Variants in SCN1A observed in about 807,000 individuals in gnomAD.
SCN1A encodes sodium voltage-gated channel alpha subunit 1.
Under a neutral mutation model 193.7 loss-of-function variants are expected in SCN1A, and 13 were observed. That is an observed-to-expected ratio of 0.07 (90% CI 0.04 to 0.11). The LOEUF (loss-of-function observed/expected upper bound fraction) is 0.11, where lower values mean the gene tolerates loss of function less well. Among genes scored for constraint, SCN1A ranks in the 10% least tolerant of loss-of-function variants. The probability of loss-of-function intolerance (pLI) is 1.00; values close to 1 mark genes in which losing one functional copy is unlikely to be tolerated. For synonymous variants in SCN1A, 781 were observed against 843.6 expected (o/e 0.93, Z 1.29); for missense variants, 1,432 against 2,451.1 (o/e 0.58, Z 8.78).
intron 16 of SCN1A, 116 bp downstream of exon 16, chr2:166,041,115 G>T: frequency 1.2e-6 from 1 of 844,528 alleles, no homozygotes; most frequent in Non-Finnish European, 2.0e-6. Context: ...TTGCGATTTT[G>T]CAGGGGCCAG....
intron 2 of SCN1A, among the ~76,000 whole-genome samples, chr2:166,091,136 T>G (rs565861316): frequency 9.2e-5 from 14 of 152,328 alleles, no homozygotes; most frequent in Admixed American, 7.2e-4. Context: ...ATGGATAGCT[T>G]TGCAGCAACA....
At chr2:166,012,086 A>T in intron 22 of SCN1A, 23 bp downstream of exon 22, 3 of 1,606,798 alleles carry the variant, frequency 1.9e-6, no homozygotes, top group Non-Finnish European at 2.6e-6. Context: ...TTGAACAGAG[A>T]CAAAAATATG....
intron 19 of SCN1A, chr2:166,016,763 A>G (rs1693363589): frequency 1.3e-5 from 2 of 151,956 alleles, no homozygotes; most frequent in Admixed American, 6.6e-5. Flanking sequence ...TTATTGGAGT[A>G]TCAAATCTAG....
chr2:166,071,075 T>C (rs967966894), intron 4 of SCN1A, among the ~76,000 whole-genome samples: 1 of 152,208 alleles, frequency 6.6e-6, no homozygotes, highest in African/African-American at 2.4e-5. Context: ...AAACTAAAAG[T>C]ATCCAATGGC....
At chr2:166,103,001 A>G (rs1034982784) in intron 2 of SCN1A, among the ~76,000 whole-genome samples, 3 of 152,020 alleles carry the variant, frequency 2.0e-5, no homozygotes, top group African/African-American at 4.8e-5. Context: ...GCATTGTTCA[A>G]TTCTGTTTAA....
At position 165,991,353 on chromosome 2, in the gene SCN1A, A is replaced by G; in HGVS notation, c.5922T>C (p.Asp1974=). 1 of 1,613,272 alleles carries G rather than the reference A, an allele frequency of 6.2e-7. No individual in the cohort carries two copies. The highest frequency in any genetic ancestry group is 8.5e-7 in the Non-Finnish European group (1 of 1,179,746). The change falls in exon 29 of 29, where the codon GAT becomes GAC. Residue 1974 remains aspartate, a synonymous_variant. Transcript: ENST00000674923. ...INENSITEKT[D]LTMSTAACPP... ...GACAAGCTGCAGTGGACATGGTCAG[A>G]TCAGTTTTTTCTGTAATAGAGTTTT...
intron 1 of SCN1A, among the ~76,000 whole-genome samples, chr2:166,148,370 A>G (rs1692406019): frequency 6.6e-6 from 1 of 152,132 alleles, no homozygotes; most frequent in African/African-American, 2.4e-5. Context: ...GTGAGAGTCT[A>G]AAACAGAATC....
chr2:166,105,690 G>A (rs1335539058), intron 2 of SCN1A, among the ~76,000 whole-genome samples: 1 of 152,072 alleles, frequency 6.6e-6, no homozygotes, highest in East Asian at 1.9e-4. Context: ...AAATGCTAGA[G>A]CATATCCAAT....
rs138854469 is a variant in SCN1A, at chr2:166,146,589, G to C, written c.-50+2458C>G. Among the ~76,000 whole-genome samples the C allele has an allele frequency of 1.6e-3, 251 of 152,228 alleles. 2 individuals are homozygous for C. Among genetic ancestry groups the C allele is most frequent in the African/African-American group, 5.3e-3 (222 of 41,542 alleles). ...CCCTGCTCAAAATTCCACAATGTCT[G>C]GGACAGACCCCACAGCGAAGAATAT... On this transcript the variant is annotated intron_variant, in intron 1 of 26. Transcript: ENST00000635750.
At chr2:166,036,566 C>A in intron 18 of SCN1A, 36 bp from the exon 19 acceptor site, 1 of 1,601,842 alleles carries the variant, frequency 6.2e-7, no homozygotes, top group Non-Finnish European at 8.5e-7. Flanking sequence ...TAATTTTACA[C>A]CAATGTAGGG....
At chr2:166,090,614 T>C (rs1290636299) in intron 2 of SCN1A, among the ~76,000 whole-genome samples, 2 of 152,178 alleles carry the variant, frequency 1.3e-5, no homozygotes, top group African/African-American at 4.8e-5. Context: ...TTATTGTCTT[T>C]ACCAGTCACT....
In SCN1A at chr2:166,038,061, C is replaced by T. The variant is rs1356935618; in HGVS notation, c.2661G>A (p.Val887=). ...CGAGGGTTAAATTTCCCAGAGCCCC[C>T]ACGGAATTGCCGATGATCTTTATTA... The part of the protein sequence containing the change: ...NMLIKIIGNS[V]GALGNLTLVL... Residue 887 remains valine (V), a synonymous_variant, in exon 18 of 29, where the codon GTG becomes GTA. Transcript: ENST00000674923. 2 of 1,614,070 alleles carry T rather than the reference C, an allele frequency of 1.2e-6. No individual in the cohort carries two copies. Among genetic ancestry groups the T allele is most frequent in the Non-Finnish European group, 1.7e-6 (2 of 1,180,024 alleles).
intron 2 of SCN1A, among the ~76,000 whole-genome samples, chr2:166,088,295 A>C (rs1275649774): frequency 6.6e-6 from 1 of 152,198 alleles, no homozygotes; most frequent in Non-Finnish European, 1.5e-5. Context: ...CATGTAAGAC[A>C]ATGGAATATA....
intron 1 of SCN1A, among the ~76,000 whole-genome samples, chr2:166,142,194 G>C (rs1692116794): frequency 6.6e-6 from 1 of 152,190 alleles, no homozygotes; most frequent in Non-Finnish European, 1.5e-5. Context: ...ACCTGCTAAA[G>C]AGGGAAAACT....
chr2:166,145,182 C>G (rs1290821552), intron 1 of SCN1A, among the ~76,000 whole-genome samples: 1 of 105,024 alleles, frequency 9.5e-6, no homozygotes, highest in African/African-American at 3.8e-5. Context: ...TTGTGGGGGA[C>G]AGAGTCTCGC....
At chr2:166,005,008 T>A (rs1691452407) in intron 23 of SCN1A, among the ~76,000 whole-genome samples, 1 of 151,406 alleles carries the variant, frequency 6.6e-6, no homozygotes, top group Non-Finnish European at 1.5e-5. Flanking sequence ...TTAAAACAAG[T>A]TAAGTTCAGA....
At position 166,051,846 on chromosome 2, in the gene SCN1A, T is replaced by C. The variant is rs778654049; in HGVS notation, c.837A>G (p.Gln279=). ...FMGNLRNKCI[Q]WPPTNASLEE... ...CCAAGGAAGCATTGGTGGGAGGCCA[T>C]TGTATACATTTATTCCTCAGGTTGC... is the stretch of plus-strand genomic sequence containing the variant. Residue 279 remains glutamine (Q), a synonymous_variant, in exon 9 of 29, where the codon CAA becomes CAG. Coordinates refer to ENST00000674923, the MANE Select transcript of SCN1A (RefSeq NM_001165963.4). The C allele has an allele frequency of 9.9e-6, 16 of 1,612,504 alleles. No homozygotes were observed. Among genetic ancestry groups the C allele is most frequent in the Non-Finnish European group, 1.4e-5 (16 of 1,179,050 alleles).
Position 165,999,582 on chromosome 2 carries a change from TTGAATATTTACC to T in SCN1A, c.4338+129_4338+140del, listed in dbSNP as rs1690546029. 7.2e-6 allele frequency: 5 copies of T among 692,010 alleles called. No individual in the cohort carries two copies. The South Asian group carries it at 8.2e-5, about 11-fold the overall frequency. 42.9% of individuals were successfully genotyped at this position (692,010 alleles called of 1,614,324 possible). A position where few individuals can be genotyped will look rare whatever the true frequency, so the allele number is the denominator to read the frequency against. On this transcript the variant is annotated intron_variant, in intron 25 of 28. Transcript: ENST00000674923. ...ATCTTTCTGATAAACATTGCTATGC[TTGAATATTTACC>T]TGTCACACTTTTTCCCAAATATTTT... is the stretch of plus-strand genomic sequence containing the variant.
At chr2:166,006,649 T>C (rs1290511028) in intron 23 of SCN1A, among the ~76,000 whole-genome samples, 1 of 151,434 alleles carries the variant, frequency 6.6e-6, no homozygotes, top group African/African-American at 2.4e-5. Flanking sequence ...TTTCTTAATA[T>C]ATTTTTGCCT....
Sources: gnomAD v4.1 joint callset for allele counts (sites outside exome capture counted in the v4.1 genomes callset) on GRCh38, gnomAD v4.1.1 for gene constraint, MANE v1.5 for transcripts, NCBI Gene and HGNC (gene_info 2026-07-23, HGNC 2026-07-21) for gene names.